Variants in NLRP12 observed in about 807,000 individuals in gnomAD.
NLRP12 encodes the protein NACHT, LRR and PYD domains-containing protein 12.
NLRP12 carries 108 observed loss-of-function variants against 91.2 expected under a neutral mutation model. That is an observed-to-expected ratio of 1.18 (90% confidence interval 1.01 to 1.39). The LOEUF is 1.39. NLRP12 is among the 40% of genes most tolerant of loss of function. NLRP12 has a pLI of 0.00. For synonymous variants in NLRP12, 613 were observed against 566.7 expected, an observed-to-expected ratio of 1.08 and a Z score of -1.16; for missense variants, 1,530 against 1,352.7, an observed-to-expected ratio of 1.13 and a Z score of -2.06.
chr19:53,822,235 A>C (rs2092272286), intron 1 of NLRP12, among the ~76,000 whole-genome samples: 1 of 152,142 alleles, frequency 6.6e-6, no homozygotes, highest in African/African-American at 2.4e-5. Flanking sequence ...CTTGAATCTA[A>C]AAGTTGAAAT....
At chr19:53,793,600 TTTG>T, downstream of NLRP12, 2 of 178,186 alleles carry the variant, frequency 1.1e-5, no homozygotes, top group Non-Finnish European at 2.4e-5. Flanking sequence ...TTTTTTTTTT[TTTG>T]AGATGGAGTC....
rs777591981 is a variant in NLRP12 at position 53,805,349 on chromosome 19, A to G, written c.2345T>C (p.Val782Ala). 1.9e-6 allele frequency: 3 copies of G among 1,614,102 alleles called. No individual in the cohort carries two copies. Among genetic ancestry groups the G allele is most frequent in the Non-Finnish European group, 1.7e-6 (2 of 1,180,026 alleles). ...LTRMDLSGNG[V>A]GFPGMMLLCE... ...AAGCAGCATCATGCCTGGGAATCCA[A>G]CGCCGTTGCCACTGAGATCCATCCT... The change falls in exon 5 of 10, where the codon GTT (valine) becomes GCT (alanine). Residue 782 changes from valine (V) to alanine (A), a missense_variant. Coordinates refer to ENST00000324134, the MANE Select transcript of NLRP12 (RefSeq NM_144687.4).
intron 7 of NLRP12, among the ~76,000 whole-genome samples, chr19:53,800,417 C>T (rs2091848550): frequency 1.3e-5 from 2 of 152,124 alleles, no homozygotes; most frequent in South Asian, 4.1e-4. Flanking sequence ...ATGATCACAC[C>T]ACTCCACTCC....
At chr19:53,809,462 C>T (rs2092016799) in intron 3 of NLRP12, 125 bp downstream of exon 3, 4 of 930,340 alleles carry the variant, frequency 4.3e-6, no homozygotes, top group Non-Finnish European at 6.2e-6. Flanking sequence ...ACCCGGGAGG[C>T]GGAGGTTGCA....
At chr19:53,798,101 T>G in intron 8 of NLRP12, 142 bp downstream of exon 8, 3 of 1,002,118 alleles carry the variant, frequency 3.0e-6, no homozygotes, top group Non-Finnish European at 4.6e-6. Context: ...AGACTTCCTG[T>G]CTTTTCTTTC....
At position 53,801,229 on chromosome 19, in the gene NLRP12, C is replaced by T. The variant is rs61741347; in HGVS notation, c.2754G>A (p.Leu918=). 3 of 1,613,836 alleles carry T rather than the reference C, an allele frequency of 1.9e-6. No homozygotes were observed. The highest frequency in any genetic ancestry group is 3.3e-5 in the Admixed American group (2 of 59,914). ...LRHPTCKLQT[L]RLGICRLGSA... ...GTGGTGAGCAAAACGGGACTCACCG[C>T]AGGGTCTGGAGCTTGCACGTGGGAT... Residue 918 remains leucine (L), a splice_region_variant and synonymous_variant, in exon 7 of 10, where the codon CTG becomes CTA. Transcript: ENST00000324134.
rs199625646 is a variant in NLRP12 at position 53,801,285 on chromosome 19, C to T, written c.2698G>A (p.Gly900Arg). The change falls in exon 7 of 10, where the codon GGG becomes AGG. Residue 900 changes from glycine (G) to arginine (R), a missense_variant. Gly to Arg is a moderately radical substitution (Grantham distance 125). Coordinates refer to ENST00000324134, the MANE Select transcript of NLRP12 (RefSeq NM_144687.4). ...AGGCCCTCACACAGCAGCAGCACCCCGAGGTCCCCCAGCTCATTCAGGCTC... is the reference window on the plus strand; with the variant it reads ...AGGCCCTCACACAGCAGCAGCACCCTGAGGTCCCCCAGCTCATTCAGGCTC... ...DLSLNELGDL[G>R]VLLLCEGLRH... is the part of the protein sequence containing the mutation. 12 of 1,613,764 alleles carry T rather than the reference C, an allele frequency of 7.4e-6. No homozygotes were observed. Among genetic ancestry groups the T allele is most frequent in the East Asian group, 2.2e-5 (1 of 44,852 alleles).
chr19:53,802,807 C>T (rs1034927906), intron 6 of NLRP12, among the ~76,000 whole-genome samples: 1 of 152,092 alleles, frequency 6.6e-6, no homozygotes, highest in African/African-American at 2.4e-5. Flanking sequence ...AGGGTCTCAC[C>T]CTGTCACCCA....
intron 9 of NLRP12, 47 bp from the exon 10 acceptor site, chr19:53,794,183 T>C (rs564311054): frequency 4.0e-6 from 5 of 1,241,104 alleles, no homozygotes; most frequent in South Asian, 1.2e-5. Context: ...ACTGTGGCAT[T>C]CAATTAATAA....
rs749656368 is a variant in NLRP12 at position 53,795,960 on chromosome 19, G to A, written c.2997C>T (p.Thr999=). 2 of 1,614,028 alleles carry A rather than the reference G, an allele frequency of 1.2e-6. No individual in the cohort carries two copies. Among genetic ancestry groups the A allele is most frequent in the Non-Finnish European group, 1.7e-6 (2 of 1,180,020 alleles). The change falls in exon 9 of 10, where the codon ACC becomes ACT. Residue 999 remains threonine (T), a synonymous_variant. Transcript: ENST00000324134. ...TGTTGGTCAGGTAAAGGTCGGTCAA[G>A]GTCTGGTTGATCCCCAGGGTGAAGT... The part of the protein sequence containing the change: ...NLYFTLGINQ[T]LTDLYLTNNA...
At chr19:53,798,712 G>A (rs1164002084) in intron 7 of NLRP12, among the ~76,000 whole-genome samples, 2 of 152,076 alleles carry the variant, frequency 1.3e-5, no homozygotes, top group Non-Finnish European at 2.9e-5. Flanking sequence ...TGACCAGTCT[G>A]GACAACCAAT....
At chr19:53,797,491 C>T (rs2122523140) in intron 8 of NLRP12, among the ~76,000 whole-genome samples, 1 of 152,086 alleles carries the variant, frequency 6.6e-6, no homozygotes, top group African/African-American at 2.4e-5. Context: ...ATGATCTCAG[C>T]TCACTGTAAT....
intron 2 of NLRP12, among the ~76,000 whole-genome samples, chr19:53,813,573 A>T (rs1395253083): frequency 3.9e-5 from 6 of 152,006 alleles, no homozygotes; most frequent in Non-Finnish European, 8.8e-5. Context: ...AAGTGCTGGG[A>T]TTACAGGCGT....
chr19:53,800,244 G>A (rs963409965), intron 7 of NLRP12, among the ~76,000 whole-genome samples: 3 of 152,092 alleles, frequency 2.0e-5, no homozygotes, highest in East Asian at 3.9e-4. Context: ...GGTGGAGCTC[G>A]CAGTAAGCTG....
Position 53,798,381 on chromosome 19 carries a change from C to G in NLRP12, c.2789G>C (p.Cys930Ser), listed in dbSNP as rs769829992. ...CTGGAGCACCACAGAAAGACCCTCA[C>G]AGGCGGCAGAGCCCAGCCGGCAGAT... is the stretch of plus-strand genomic sequence containing the variant. ...LGICRLGSAA[C>S]EGLSVVLQAN... Residue 930 changes from cysteine to serine, a missense_variant, in exon 8 of 10, where the codon TGT becomes TCT. Coordinates refer to ENST00000324134, the MANE Select transcript of NLRP12 (RefSeq NM_144687.4). The G allele has an allele frequency of 8.1e-6, 13 of 1,614,094 alleles. No individual in the cohort carries two copies. In the Admixed American group the frequency reaches 1.7e-4, roughly 21 times the overall value.
At chr19:53,797,383 A>G (rs1050901674) in intron 8 of NLRP12, among the ~76,000 whole-genome samples, 8 of 151,938 alleles carry the variant, frequency 5.3e-5, no homozygotes, top group African/African-American at 1.7e-4. Context: ...TTGGACTCCC[A>G]AAGTGCTGGG....
chr19:53,804,217 G>A, intron 5 of NLRP12, 95 bp from the exon 6 acceptor site: 2 of 1,390,572 alleles, frequency 1.4e-6, no homozygotes, highest in Non-Finnish European at 2.0e-6. Context: ...TTTAGGAACA[G>A]GTTGTTGCTC....
intron 5 of NLRP12, among the ~76,000 whole-genome samples, chr19:53,805,013 T>G (rs2091934954): frequency 6.6e-6 from 1 of 151,698 alleles, no homozygotes; most frequent in Non-Finnish European, 1.5e-5. Context: ...TTGGGCAACA[T>G]AGCAAGACCC....
chr19:53,819,110 G>A (rs765827730), intron 1 of NLRP12, among the ~76,000 whole-genome samples: 4 of 152,032 alleles, frequency 2.6e-5, no homozygotes, highest in Non-Finnish European at 5.9e-5. Context: ...AGATTTAGGC[G>A]GAAGAGGGAG....
Sources: gnomAD v4.1 joint callset for allele counts (sites outside exome capture counted in the v4.1 genomes callset) on GRCh38, gnomAD v4.1.1 for gene constraint, MANE v1.5 for transcripts, NCBI Gene and HGNC (gene_info 2026-07-23, HGNC 2026-07-21) for gene names.